Variants in PLCG2 observed in about 807,000 individuals in gnomAD.
PLCG2 encodes phospholipase C gamma 2, also known as 1-phosphatidylinositol 4,5-bisphosphate phosphodiesterase gamma-2.
PLCG2 carries 69 observed loss-of-function variants against 175.6 expected under a neutral mutation model. That is an observed-to-expected ratio of 0.39 (90% CI 0.32 to 0.48). PLCG2 has a LOEUF of 0.48. Ranked by LOEUF, PLCG2 falls within the 20% of genes least tolerant of loss-of-function variation. The pLI is 0.91. For synonymous variants in PLCG2, 827 were observed against 624.0 expected, an observed-to-expected ratio of 1.33 and a Z score of -4.85; for missense variants, 1,798 against 1,650.9, an observed-to-expected ratio of 1.09 and a Z score of -1.54.
At position 81,960,706 on chromosome 16, in the gene PLCG2, G is replaced by A. The variant is rs1597159664; in HGVS notation, c.*2708G>A. The A allele has an allele frequency of 8.7e-6, 2 of 229,404 alleles. No homozygotes were observed. Among genetic ancestry groups the A allele is most frequent in the Non-Finnish European group, 1.7e-5 (2 of 115,700 alleles). 14.2% of individuals were successfully genotyped at this position (229,404 alleles called of 1,614,324 possible). A position where few individuals can be genotyped will look rare whatever the true frequency, so the allele number is the denominator to read the frequency against. The stretch of plus-strand genomic sequence containing the variant: ...GACCTACTGCTCTATTAAGAAGGCA[G>A]CCGGACAACATGTTCTAATACTTCG... On this transcript the variant is annotated 3_prime_UTR_variant, in exon 33 of 33. Coordinates refer to ENST00000564138, the MANE Select transcript of PLCG2 (RefSeq NM_002661.5).
At chr16:81,767,269 C>T (rs748008451) in intron 2 of PLCG2, among the ~76,000 whole-genome samples, 7 of 151,582 alleles carry the variant, frequency 4.6e-5, no homozygotes, top group African/African-American at 7.3e-5. Context: ...CTCAGCCTCC[C>T]GAATAGCTGG....
chr16:81,756,639 C>T (rs1192507933), intron 2 of PLCG2, among the ~76,000 whole-genome samples: 1 of 152,142 alleles, frequency 6.6e-6, no homozygotes, highest in Non-Finnish European at 1.5e-5. Context: ...GGTACCAGGT[C>T]CCAAGTGAAC....
chr16:81,772,549 C>G (rs991910342), intron 2 of PLCG2, among the ~76,000 whole-genome samples: 1 of 151,956 alleles, frequency 6.6e-6, no homozygotes, highest in Non-Finnish European at 1.5e-5. Context: ...GTGGCTCACG[C>G]CTATAATCCC....
At chr16:81,876,181 A>G (rs1262834306) in intron 7 of PLCG2, among the ~76,000 whole-genome samples, 1 of 151,764 alleles carries the variant, frequency 6.6e-6, no homozygotes, top group Admixed American at 6.6e-5. Flanking sequence ...GTGTGCCACC[A>G]TGCAGGCTAA....
In PLCG2 at chr16:81,801,637, C is replaced by G. The variant is rs149884119; in HGVS notation, c.193+15455C>G. On this transcript the variant is annotated intron_variant, in intron 2 of 32. Transcript: ENST00000564138. ...GGATTCTACCTTATTTTTTAAAAAC[C>G]TATCTCCCATTTTTTCGATATTAGA... is the stretch of plus-strand genomic sequence containing the variant. Among the ~76,000 whole-genome samples the G allele has an allele frequency of 1.2e-4, 18 of 152,150 alleles. No individual in the cohort carries two copies. The East Asian group carries it at 1.7e-3, about 15-fold the overall frequency.
chr16:81,872,493 C>G (rs1907563834), intron 7 of PLCG2, among the ~76,000 whole-genome samples: 1 of 152,194 alleles, frequency 6.6e-6, no homozygotes, highest in Non-Finnish European at 1.5e-5. Context: ...TTTCTTTGCA[C>G]AGCTCATTTT....
intron 24 of PLCG2, among the ~76,000 whole-genome samples, chr16:81,930,467 G>C (rs1390675525): frequency 6.6e-6 from 1 of 152,134 alleles, no homozygotes; most frequent in African/African-American, 2.4e-5. Flanking sequence ...AAGCCATTTA[G>C]CTGGGTGTGG....
At chr16:81,945,641 G>A (rs1421090354) in intron 30 of PLCG2, among the ~76,000 whole-genome samples, 2 of 152,190 alleles carry the variant, frequency 1.3e-5, no homozygotes, top group African/African-American at 4.8e-5. Flanking sequence ...ACATTTAAAT[G>A]ACTGTGAAAG....
At chr16:81,748,105 C>T (rs985701709) in intron 1 of PLCG2, among the ~76,000 whole-genome samples, 1 of 152,160 alleles carries the variant, frequency 6.6e-6, no homozygotes, top group African/African-American at 2.4e-5. Context: ...GAACTCCTGA[C>T]CTCAGATGAT....
intron 1 of PLCG2, among the ~76,000 whole-genome samples, chr16:81,784,773 G>A (rs973771080): frequency 6.6e-6 from 1 of 152,154 alleles, no homozygotes; most frequent in Non-Finnish European, 1.5e-5. Flanking sequence ...GACTGGAAAT[G>A]AGCCCAGAGG....
chr16:81,871,564 C>G (rs1308657731), intron 7 of PLCG2, among the ~76,000 whole-genome samples: 2 of 152,174 alleles, frequency 1.3e-5, no homozygotes, highest in African/African-American at 4.8e-5. Flanking sequence ...TCTCGAACTT[C>G]TAACCTCAAC....
At chr16:81,841,788 C>A (rs1277609859) in intron 2 of PLCG2, among the ~76,000 whole-genome samples, 1 of 152,188 alleles carries the variant, frequency 6.6e-6, no homozygotes, top group South Asian at 2.1e-4. Flanking sequence ...TGTATCTCAC[C>A]TATTCCCCCA....
intron 2 of PLCG2, among the ~76,000 whole-genome samples, chr16:81,847,448 G>A (rs1229522217): frequency 6.6e-6 from 1 of 151,966 alleles, no homozygotes; most frequent in African/African-American, 2.4e-5. Context: ...AGGGCTGAAA[G>A]TTCCAACCCT....
chr16:81,912,852 C>T, intron 19 of PLCG2, 136 bp downstream of exon 19: 1 of 1,125,578 alleles, frequency 8.9e-7, no homozygotes, highest in Non-Finnish European at 1.2e-6. Flanking sequence ...ACAACAACCA[C>T]CACAGCAAAA....
intron 2 of PLCG2, among the ~76,000 whole-genome samples, chr16:81,847,499 C>T (rs1199928706): frequency 6.6e-6 from 1 of 152,108 alleles, no homozygotes; most frequent in Non-Finnish European, 1.5e-5. Flanking sequence ...AACCTTCATC[C>T]TGAGGTATCT....
At chr16:81,922,363 G>A (rs1910094501) in intron 21 of PLCG2, among the ~76,000 whole-genome samples, 1 of 152,136 alleles carries the variant, frequency 6.6e-6, no homozygotes, top group South Asian at 2.1e-4. Context: ...TGCAAAATGG[G>A]CATACTCATA....
At chr16:81,809,144 G>C (rs1196719006) in intron 2 of PLCG2, among the ~76,000 whole-genome samples, 1 of 152,126 alleles carries the variant, frequency 6.6e-6, no homozygotes. Flanking sequence ...TTGTGGCAGG[G>C]AACTGAAACT....
At chr16:81,835,551 C>A (rs1597345465) in intron 2 of PLCG2, among the ~76,000 whole-genome samples, 2 of 151,940 alleles carry the variant, frequency 1.3e-5, no homozygotes, top group South Asian at 2.1e-4. Flanking sequence ...TGCTCTCTAG[C>A]CTGGGCGACA....
chr16:81,924,847 T>C lies in PLCG2; in HGVS notation c.2417+1253T>C, dbSNP rs147984797. ...TCCCCTTGGAGGCTCCCAGACCCAG[T>C]TGGGCAACCACAGTGTTGTCCGTCT... On this transcript the variant is annotated intron_variant, in intron 22 of 32. Coordinates refer to ENST00000564138, the MANE Select transcript of PLCG2 (RefSeq NM_002661.5). Among the ~76,000 whole-genome samples the C allele has an allele frequency of 2.6e-4, 40 of 152,356 alleles. No individual in the cohort carries two copies. In the East Asian group the frequency reaches 6.5e-3, roughly 25 times the overall value.
Sources: allele counts gnomAD v4.1 joint callset (sites outside exome capture counted in the v4.1 genomes callset), GRCh38; gene constraint gnomAD v4.1.1; transcripts MANE v1.5; gene names NCBI Gene and HGNC (gene_info 2026-07-23, HGNC 2026-07-21).